The following ZFAND6 variants were observed in gnomAD, a reference collection of about 807,000 sequenced individuals.
ZFAND6 encodes zinc finger AN1-type containing 6.
A neutral mutation model predicts 24.5 loss-of-function variants in ZFAND6; 12 were observed. The ratio of observed to expected loss-of-function variants is 0.49; its 90% CI spans 0.31 to 0.79. ZFAND6 has a LOEUF of 0.79. Ranked by LOEUF, ZFAND6 falls within the 30% of genes least tolerant of loss-of-function variation. The pLI, the probability that ZFAND6 is intolerant of heterozygous loss-of-function variation, is 0.04. For missense variants in ZFAND6, 207 were observed against 245.9 expected, an observed-to-expected ratio of 0.84 and a Z score of 1.06; for synonymous variants, 92 against 81.5, an observed-to-expected ratio of 1.13 and a Z score of -0.69.
At chr15:80,108,298 A>AT (rs944355928) in intron 2 of ZFAND6, among the ~76,000 whole-genome samples, 4 of 152,068 alleles carry the variant, frequency 2.6e-5, no homozygotes, top group African/African-American at 4.8e-5. Flanking sequence ...GGGAGAAGAG[A>AT]TTTTTTAAAA....
intron 1 of ZFAND6, among the ~76,000 whole-genome samples, chr15:80,080,603 G>A (rs150377687): frequency 5.3e-5 from 8 of 152,244 alleles, no homozygotes; most frequent in Non-Finnish European, 7.3e-5. Flanking sequence ...TGAAACAGCC[G>A]ACAATGAAAT....
chr15:80,084,756 GATTTGACTCTGT>G (rs1284286991), intron 1 of ZFAND6, among the ~76,000 whole-genome samples: 1 of 152,202 alleles, frequency 6.6e-6, no homozygotes, highest in Non-Finnish European at 1.5e-5. Flanking sequence ...CTAACCTGCA[GATTTGACTCTGT>G]ATTAGACTCT....
intron 2 of ZFAND6, among the ~76,000 whole-genome samples, chr15:80,119,518 A>C: frequency 6.6e-6 from 1 of 152,060 alleles, no homozygotes; most frequent in East Asian, 1.9e-4. Context: ...ATTTCCCTCA[A>C]TCAAAAAATA....
At chr15:80,129,926 T>C (rs1424159683) in intron 5 of ZFAND6, 3 of 152,218 alleles carry the variant, frequency 2.0e-5, no homozygotes, top group Non-Finnish European at 2.9e-5. Context: ...GAGTTTGATA[T>C]GTCCAGGGAA....
chr15:80,110,690 A>G (rs2039563622), intron 2 of ZFAND6, among the ~76,000 whole-genome samples: 2 of 152,122 alleles, frequency 1.3e-5, no homozygotes, highest in African/African-American at 4.8e-5. Context: ...AAAGACCCAT[A>G]CATGTATGAG....
Position 80,119,067 on chromosome 15 carries a change from G to A in ZFAND6, c.-17-1261G>A, listed in dbSNP as rs563931821. On this transcript the variant is annotated intron_variant, in intron 2 of 6. Transcript: ENST00000261749. Reference sequence around the variant, plus strand: ...CGGAGTAACCTTCACTTAGGAGATTGTTGTTTTTTAATAAGAAAGAGAGCC... The same window carrying A: ...CGGAGTAACCTTCACTTAGGAGATTATTGTTTTTTAATAAGAAAGAGAGCC... Among the ~76,000 whole-genome samples the A allele has an allele frequency of 2.7e-5, 4 of 146,752 alleles. No individual in the cohort carries two copies. The East Asian group carries it at 7.9e-4, about 29-fold the overall frequency.
At chr15:80,096,792 C>T (rs891219545) in intron 1 of ZFAND6, among the ~76,000 whole-genome samples, 2 of 151,958 alleles carry the variant, frequency 1.3e-5, no homozygotes, top group Non-Finnish European at 2.9e-5. Flanking sequence ...AGGTATAGCC[C>T]AGTGTACATA....
At chr15:80,097,114 C>G (rs1282945385) in intron 1 of ZFAND6, among the ~76,000 whole-genome samples, 1 of 151,722 alleles carries the variant, frequency 6.6e-6, no homozygotes, top group African/African-American at 2.4e-5. Flanking sequence ...ATCCTCCTGC[C>G]TCAGCCCCTC....
In ZFAND6 at chr15:80,098,402, T is replaced by G. The variant is rs1169756876; in HGVS notation, c.-180-14T>G. 1 of 152,216 alleles carries G rather than the reference T, an allele frequency of 6.6e-6. No individual in the cohort carries two copies. Among genetic ancestry groups the G allele is most frequent in the Non-Finnish European group, 1.5e-5 (1 of 68,030 alleles). 9.4% of individuals were successfully genotyped at this position (152,216 alleles called of 1,614,324 possible). A position where few individuals can be genotyped will look rare whatever the true frequency, so the allele number is the denominator to read the frequency against. On this transcript the variant is annotated splice_polypyrimidine_tract_variant and intron_variant, in intron 1 of 6. Transcript: ENST00000261749. ...TATATGTCTCAACTCTGTTTCATGT[T>G]AAATGTGTTACAGGAATGAATCTGA... is the stretch of plus-strand genomic sequence containing the variant.
intron 6 of ZFAND6, among the ~76,000 whole-genome samples, chr15:80,133,382 A>G (rs1237431206): frequency 1.3e-5 from 2 of 151,910 alleles, no homozygotes; most frequent in African/African-American, 2.4e-5. Flanking sequence ...TTTAGTAGAG[A>G]TGGGGTTTCA....
At chr15:80,090,936 G>T (rs2038320312) in intron 1 of ZFAND6, among the ~76,000 whole-genome samples, 1 of 152,108 alleles carries the variant, frequency 6.6e-6, no homozygotes, top group South Asian at 2.1e-4. Context: ...TTTGGAAGTA[G>T]CACAAAAATT....
At chr15:80,101,117 A>G (rs577395104) in intron 2 of ZFAND6, among the ~76,000 whole-genome samples, 38 of 152,356 alleles carry the variant, frequency 2.5e-4, no homozygotes, top group African/African-American at 8.9e-4. Context: ...ACAAAGTAGG[A>G]TATTTTCAAT....
At chr15:80,130,889 T>G (rs765380965) in intron 5 of ZFAND6, 1 of 311,372 alleles carries the variant, frequency 3.2e-6, no homozygotes. Flanking sequence ...TTTTATTGAT[T>G]AAATTTGTAG....
chr15:80,118,953 T>A lies in ZFAND6; in HGVS notation c.-17-1375T>A, dbSNP rs191294904. Among the ~76,000 whole-genome samples, 58 of 152,300 alleles carry A rather than the reference T, an allele frequency of 3.8e-4. No homozygotes were observed. The East Asian group carries it at 0.011, about 28-fold the overall frequency. The stretch of plus-strand genomic sequence containing the variant: ...TGGGTGTTTACCAGTTCAAGGAAAT[T>A]TCAGTGGCAAAACATTTTCCTTCTT... On this transcript the variant is annotated intron_variant, in intron 2 of 6. Coordinates refer to ENST00000261749, the MANE Select transcript of ZFAND6 (RefSeq NM_019006.4).
At chr15:80,093,647 C>T (rs1049677123) in intron 1 of ZFAND6, among the ~76,000 whole-genome samples, 1 of 152,196 alleles carries the variant, frequency 6.6e-6, no homozygotes, top group Non-Finnish European at 1.5e-5. Context: ...ATCGCTTAAA[C>T]CCAGAAGGCG....
At chr15:80,082,898 T>C (rs921583533) in intron 1 of ZFAND6, among the ~76,000 whole-genome samples, 5 of 152,172 alleles carry the variant, frequency 3.3e-5, no homozygotes, top group Admixed American at 1.3e-4. Context: ...AATTTTCTTT[T>C]ATAAAGTTTT....
intron 1 of ZFAND6, among the ~76,000 whole-genome samples, chr15:80,079,822 T>G (rs1469640950): frequency 6.6e-6 from 1 of 151,222 alleles, no homozygotes; most frequent in African/African-American, 2.4e-5. Context: ...AGCTAGCTAA[T>G]TTTTTGTATT....
At chr15:80,061,176 C>T (rs370321901) in intron 1 of ZFAND6, among the ~76,000 whole-genome samples, 2 of 152,002 alleles carry the variant, frequency 1.3e-5, no homozygotes, top group African/African-American at 4.8e-5. Flanking sequence ...TTTATTTTTA[C>T]TTTTTTACGT....
At chr15:80,096,090 A>G (rs2038707806) in intron 1 of ZFAND6, among the ~76,000 whole-genome samples, 2 of 152,202 alleles carry the variant, frequency 1.3e-5, no homozygotes. Context: ...TAGCTCTGCC[A>G]CTTAACTAGC....
Sources: allele counts gnomAD v4.1 joint callset (sites outside exome capture counted in the v4.1 genomes callset), GRCh38; gene constraint gnomAD v4.1.1; transcripts MANE v1.5; gene names NCBI Gene and HGNC (gene_info 2026-07-23, HGNC 2026-07-21).